Variants in DGCR2 observed in about 807,000 individuals in gnomAD.
The protein encoded by DGCR2 is integral membrane protein DGCR2/IDD.
In DGCR2, 24 loss-of-function variants were observed where a neutral mutation model predicts 51.6. That is an observed-to-expected ratio of 0.47 (90% confidence interval 0.34 to 0.65). The LOEUF is 0.65. Among genes scored for constraint, DGCR2 ranks in the 30% least tolerant of loss-of-function variants. The pLI is 0.01. For synonymous variants in DGCR2, 340 were observed against 315.4 expected (o/e 1.08, Z -0.82); for missense variants, 765 against 772.1 (o/e 0.99, Z 0.11).
At chr22:19,054,754 A>G (rs112964643) in intron 6 of DGCR2, among the ~76,000 whole-genome samples, 1,751 of 151,588 alleles carry the variant, frequency 0.012, 19 homozygotes, top group Non-Finnish European at 0.016. Context: ...AAAAAAAAAA[A>G]AGAGAGAGTC....
rs771073836 is a variant in DGCR2 at position 19,064,855 on chromosome 22, G to A, written c.541C>T (p.Gln181Ter). 1 of 1,613,520 alleles carries A rather than the reference G, an allele frequency of 6.2e-7. No homozygotes were observed. The highest frequency in any genetic ancestry group is 8.5e-7 in the Non-Finnish European group (1 of 1,179,892). Residue 181 changes from glutamine to a stop codon, truncating the protein, a stop_gained, in exon 4 of 10, where the codon CAG (glutamine) becomes TAG (stop). Coordinates refer to ENST00000263196, the MANE Select transcript of DGCR2 (RefSeq NM_005137.3). LOFTEE classifies it high-confidence loss of function. ...QPERSFGWKD[Q>*]RKLWVGYQYV... ...CCCCAATCCAGGACTCACTTGCGCT[G>A]GTCCTTCCAACCAAAGCTCCGCTCG... is the stretch of plus-strand genomic sequence containing the variant.
chr22:19,057,707 G>C lies in DGCR2; in HGVS notation c.626-545C>G, dbSNP rs2082618607. On this transcript the variant is annotated intron_variant, in intron 5 of 9. Transcript: ENST00000263196. This position sits in a 1 kb window ranked among gnomAD's most constrained non-coding sequence, Gnocchi z 5.1. ...CTGCAGGGAACACTTAGGAAGCACT[G>C]GCTCCCGGGGACCTCTCTCAGCTCA... Among the ~76,000 whole-genome samples the C allele has an allele frequency of 6.6e-6, 1 of 152,170 alleles. No individual in the cohort carries two copies. Among genetic ancestry groups the C allele is most frequent in the Non-Finnish European group, 1.5e-5 (1 of 68,028 alleles).
chr22:19,044,343 C>G (rs1358400556), intron 7 of DGCR2, among the ~76,000 whole-genome samples: 1 of 152,206 alleles, frequency 6.6e-6, no homozygotes, highest in Non-Finnish European at 1.5e-5. Context: ...CCTGCAGCTC[C>G]CAGAGAGAGG....
chr22:19,043,243 C>A (rs956333385), intron 7 of DGCR2, among the ~76,000 whole-genome samples: 1 of 152,226 alleles, frequency 6.6e-6, no homozygotes, highest in South Asian at 2.1e-4. Flanking sequence ...TAGTATTCAG[C>A]AGGTGGAGGC....
chr22:19,057,891 G>A lies in DGCR2; in HGVS notation c.626-729C>T, dbSNP rs977976375. Among the ~76,000 whole-genome samples, 2 of 152,096 alleles carry A rather than the reference G, an allele frequency of 1.3e-5. No individual in the cohort carries two copies. The highest frequency in any genetic ancestry group is 4.8e-5 in the African/African-American group (2 of 41,426). On this transcript the variant is annotated intron_variant, in intron 5 of 9. Transcript: ENST00000263196. The surrounding 1 kb of genome is among the most constrained non-coding windows in gnomAD (Gnocchi z 5.1). ...GGGCTCTGGCCATGCCCAGGGCATG[G>A]CACAGCCAGCCCTAGGCCCCACTCT...
At chr22:19,115,149 G>A (rs2083360060) in intron 1 of DGCR2, among the ~76,000 whole-genome samples, 6 of 152,196 alleles carry the variant, frequency 3.9e-5, no homozygotes, top group Admixed American at 3.9e-4. Context: ...CTCTTGACCA[G>A]AAACAAGCCC....
chr22:19,078,031 G>C (rs949309185), intron 2 of DGCR2, among the ~76,000 whole-genome samples: 7 of 152,162 alleles, frequency 4.6e-5, no homozygotes, highest in African/African-American at 1.7e-4. Flanking sequence ...GTTTTGCCAT[G>C]TTGGCCAGGC....
chr22:19,103,397 T>TACC (rs1483673258), intron 1 of DGCR2, among the ~76,000 whole-genome samples: 2 of 150,126 alleles, frequency 1.3e-5, no homozygotes, highest in African/African-American at 4.9e-5. Context: ...ATGTGTATTT[T>TACC]ACCACAATAA....
intron 9 of DGCR2, 94 bp downstream of exon 9, chr22:19,040,962 GTC>G: frequency 9.1e-7 from 1 of 1,100,966 alleles, no homozygotes; most frequent in Non-Finnish European, 1.3e-6. Flanking sequence ...AAGAAGTGAG[GTC>G]CCTAGGCCTC....
At chr22:19,088,208 G>GC (rs2083039513) in intron 2 of DGCR2, among the ~76,000 whole-genome samples, 1 of 152,290 alleles carries the variant, frequency 6.6e-6, no homozygotes, top group African/African-American at 2.4e-5. Flanking sequence ...AAAGGTCTCT[G>GC]CCCCCTGGGA....
At chr22:19,113,643 A>T (rs2083341469) in intron 1 of DGCR2, among the ~76,000 whole-genome samples, 1 of 152,220 alleles carries the variant, frequency 6.6e-6, no homozygotes, top group Non-Finnish European at 1.5e-5. Context: ...AAGTTGATGG[A>T]AACATGTCAG....
At position 19,039,119 on chromosome 22, in the gene DGCR2, C is replaced by G. The variant is rs774122959; in HGVS notation, c.1399G>C (p.Asp467His). The G allele has an allele frequency of 1.9e-6, 3 of 1,612,814 alleles. No individual in the cohort carries two copies. Among genetic ancestry groups the G allele is most frequent in the Admixed American group, 1.7e-5 (1 of 59,978 alleles). Residue 467 changes from aspartate to histidine, a missense_variant and splice_region_variant, in exon 10 of 10, where the codon GAT becomes CAT. Transcript: ENST00000263196. ...PDSVFYDPAD[D>H]DAFEPVEVSL... ...ACCTCCACAGGCTCAAAAGCATCAT[C>G]GTCTGCAGGAAGAGACAGAGGGGTG...
intron 1 of DGCR2, among the ~76,000 whole-genome samples, chr22:19,104,493 G>C (rs1466749776): frequency 6.6e-6 from 1 of 152,206 alleles, no homozygotes; most frequent in Non-Finnish European, 1.5e-5. Context: ...ACAAGAGGGA[G>C]ACAGAGTACT....
chr22:19,088,806 C>A (rs1001592343), intron 2 of DGCR2, among the ~76,000 whole-genome samples: 3 of 152,186 alleles, frequency 2.0e-5, no homozygotes, highest in African/African-American at 7.2e-5. Context: ...GCCCTGTATT[C>A]CTTGAGGGTG....
At position 19,065,072 on chromosome 22, in the gene DGCR2, A is replaced by C; in HGVS notation, c.329-5T>G. ...TCGGGCACTTCCCTAGGAAACATAA[A>C]GGACAGAAGGGGAGTTGTCCCCCAA... On this transcript the variant is annotated splice_region_variant and splice_polypyrimidine_tract_variant and intron_variant, in intron 3 of 9. Transcript: ENST00000263196. 1 of 1,613,290 alleles carries C rather than the reference A, an allele frequency of 6.2e-7. No individual in the cohort carries two copies. The highest frequency in any genetic ancestry group is 8.5e-7 in the Non-Finnish European group (1 of 1,179,702).
intron 2 of DGCR2, among the ~76,000 whole-genome samples, chr22:19,069,044 AG>A (rs1365670558): frequency 6.6e-6 from 1 of 152,222 alleles, no homozygotes; most frequent in Admixed American, 6.5e-5. Context: ...TGCAGGGGAG[AG>A]GGCCCTCATG....
chr22:19,089,643 C>T (rs1454107449), intron 1 of DGCR2, among the ~76,000 whole-genome samples, 153 bp from the exon 2 acceptor site: 1 of 152,268 alleles, frequency 6.6e-6, no homozygotes, highest in Non-Finnish European at 1.5e-5. Flanking sequence ...GCCAGTGGTG[C>T]AGTCTCAGCT....
chr22:19,092,994 AGAAGAAGGAGGAGG>A (rs1360901300), intron 1 of DGCR2, among the ~76,000 whole-genome samples: 1 of 53,652 alleles, frequency 1.9e-5, no homozygotes, highest in African/African-American at 1.1e-4. Flanking sequence ...AAGAAAGAAG[AGAAGAAGGAGGAGG>A]AGGAGGAAGA....
intron 1 of DGCR2, among the ~76,000 whole-genome samples, chr22:19,106,049 C>A (rs138706626): frequency 6.6e-6 from 1 of 152,146 alleles, no homozygotes; most frequent in Non-Finnish European, 1.5e-5. Context: ...CCTGGAACCA[C>A]GCAGGGAGAC....
Sources: gnomAD v4.1 joint callset for allele counts (sites outside exome capture counted in the v4.1 genomes callset) on GRCh38, gnomAD v4.1.1 for gene constraint, Gnocchi (gnomAD v3.1) non-coding constraint, MANE v1.5 for transcripts, NCBI Gene and HGNC (gene_info 2026-07-23, HGNC 2026-07-21) for gene names.